The following MCTP1 variants were observed in gnomAD, a reference collection of about 807,000 sequenced individuals.
MCTP1 encodes multiple C2 and transmembrane domain containing 1.
MCTP1 carries 69 observed loss-of-function variants against 120.6 expected under a neutral mutation model. That is an observed-to-expected ratio of 0.57 (90% CI 0.47 to 0.70). The LOEUF is 0.70. Among genes scored for constraint, MCTP1 ranks in the 30% least tolerant of loss-of-function variants. The pLI, the probability that MCTP1 is intolerant of heterozygous loss-of-function variation, is 0.00. For synonymous variants in MCTP1, 529 were observed against 493.1 expected, an observed-to-expected ratio of 1.07 and a Z score of -0.96; for missense variants, 1,203 against 1,248.8, an observed-to-expected ratio of 0.96 and a Z score of 0.55.
chr5:95,115,153 G>C (rs1314530899), intron 1 of MCTP1, among the ~76,000 whole-genome samples: 1 of 152,004 alleles, frequency 6.6e-6, no homozygotes, highest in South Asian at 2.1e-4. Flanking sequence ...CTCCCAAGAA[G>C]CATGAGTATA....
intron 1 of MCTP1, among the ~76,000 whole-genome samples, chr5:95,278,595 C>T (rs1170654898): frequency 6.6e-6 from 1 of 152,130 alleles, no homozygotes; most frequent in Admixed American, 6.5e-5. Context: ...CTTACTGAGG[C>T]AGGGAAATAT....
chr5:94,842,136 G>A (rs973106113), intron 17 of MCTP1, among the ~76,000 whole-genome samples: 6 of 152,184 alleles, frequency 3.9e-5, no homozygotes, highest in African/African-American at 1.2e-4. Context: ...TGATTTAGTT[G>A]CTGCAGTGCT....
chr5:94,972,419 T>C (rs1827112978), intron 2 of MCTP1, among the ~76,000 whole-genome samples: 1 of 152,144 alleles, frequency 6.6e-6, no homozygotes, highest in South Asian at 2.1e-4. Flanking sequence ...GCGGAATGCC[T>C]GGTCCTCCCT....
intron 21 of MCTP1, 74 bp downstream of exon 21, chr5:94,710,744 G>A: frequency 1.1e-6 from 1 of 912,350 alleles, no homozygotes; most frequent in Non-Finnish European, 1.7e-6. Context: ...TGCTGACAGT[G>A]TAACTCATCT....
intron 2 of MCTP1, among the ~76,000 whole-genome samples, chr5:94,990,289 T>C (rs1320722778): frequency 6.6e-6 from 1 of 152,208 alleles, no homozygotes; most frequent in Non-Finnish European, 1.5e-5. Flanking sequence ...ATCCCACACA[T>C]TTGGTGTCAG....
intron 1 of MCTP1, among the ~76,000 whole-genome samples, chr5:95,266,920 C>G (rs1460431216): frequency 6.6e-6 from 1 of 152,212 alleles, no homozygotes; most frequent in East Asian, 1.9e-4. Flanking sequence ...ACTACAGTCT[C>G]CATGAAATAT....
In MCTP1 at chr5:94,929,348, G is replaced by A. The variant is rs577283564; in HGVS notation, c.1212+2605C>T. Among the ~76,000 whole-genome samples, 6 of 152,272 alleles carry A rather than the reference G, an allele frequency of 3.9e-5. No individual in the cohort carries two copies. The East Asian group carries it at 1.2e-3, about 29-fold the overall frequency. On this transcript the variant is annotated intron_variant, in intron 6 of 22. Coordinates refer to ENST00000515393, the MANE Select transcript of MCTP1 (RefSeq NM_024717.7). ...CATGCCAAAGCCCTGCCATGAAGATGCGGGAGACCTCATTCTGTAAATCAA... is the reference window on the plus strand; with the variant it reads ...CATGCCAAAGCCCTGCCATGAAGATACGGGAGACCTCATTCTGTAAATCAA...
At chr5:95,164,109 G>A (rs2152481483) in intron 1 of MCTP1, among the ~76,000 whole-genome samples, 1 of 152,146 alleles carries the variant, frequency 6.6e-6, no homozygotes, top group South Asian at 2.1e-4. Flanking sequence ...ACCAGCCCTG[G>A]TACCTACTGA....
At chr5:94,961,274 G>T (rs1165011313) in intron 2 of MCTP1, among the ~76,000 whole-genome samples, 1 of 151,778 alleles carries the variant, frequency 6.6e-6, no homozygotes, top group Non-Finnish European at 1.5e-5. Flanking sequence ...GGCTGTTGGG[G>T]GGTGGGGGAC....
At chr5:94,725,727 T>G (rs913421438) in intron 19 of MCTP1, among the ~76,000 whole-genome samples, 1 of 152,160 alleles carries the variant, frequency 6.6e-6, no homozygotes, top group African/African-American at 2.4e-5. Flanking sequence ...CTTCCATCAT[T>G]TTCTTAGCTA....
chr5:94,907,322 A>C (rs1807178125), intron 10 of MCTP1, among the ~76,000 whole-genome samples: 1 of 152,160 alleles, frequency 6.6e-6, no homozygotes, highest in South Asian at 2.1e-4. Context: ...TCTATTGTCC[A>C]TCTTTCAGTA....
chr5:95,166,729 G>A (rs1295315038), intron 1 of MCTP1, among the ~76,000 whole-genome samples: 1 of 151,730 alleles, frequency 6.6e-6, no homozygotes, highest in African/African-American at 2.4e-5. Context: ...CACCACGCCT[G>A]GCTAATTTTT....
chr5:95,251,021 A>G (rs1450472271), intron 1 of MCTP1, among the ~76,000 whole-genome samples: 2 of 152,180 alleles, frequency 1.3e-5, no homozygotes, highest in Admixed American at 6.5e-5. Context: ...GCAGAGATTT[A>G]GCAAAGAAAG....
At chr5:94,776,525 A>G (rs1242719571) in intron 19 of MCTP1, among the ~76,000 whole-genome samples, 1 of 152,180 alleles carries the variant, frequency 6.6e-6, no homozygotes, top group Non-Finnish European at 1.5e-5. Context: ...CCGGTGAAAC[A>G]TCTGGGACAT....
intron 5 of MCTP1, 44 bp downstream of exon 5, chr5:94,940,040 T>C: frequency 8.4e-7 from 1 of 1,196,928 alleles, no homozygotes; most frequent in South Asian, 1.4e-5. Flanking sequence ...GGCTCACAAC[T>C]TTCAAACAAG....
At chr5:94,820,654 T>TTTATTCCCATCTCAG (rs1159884572) in intron 17 of MCTP1, among the ~76,000 whole-genome samples, 1 of 152,204 alleles carries the variant, frequency 6.6e-6, no homozygotes, top group Non-Finnish European at 1.5e-5. Flanking sequence ...TAAAGCATGG[T>TTTATTCCCATCTCAG]CTGTCCCTAA....
At chr5:94,893,159 G>A (rs896811910) in intron 11 of MCTP1, among the ~76,000 whole-genome samples, 7 of 152,098 alleles carry the variant, frequency 4.6e-5, no homozygotes, top group African/African-American at 1.7e-4. Flanking sequence ...TTCAAATTCT[G>A]AATGGAAATG....
At chr5:95,135,486 G>A (rs1183809385) in intron 1 of MCTP1, among the ~76,000 whole-genome samples, 1 of 152,204 alleles carries the variant, frequency 6.6e-6, no homozygotes, top group African/African-American at 2.4e-5. Context: ...AGGTGTATCT[G>A]TGAGGGTGCT....
intron 17 of MCTP1, among the ~76,000 whole-genome samples, chr5:94,833,010 T>A (rs1788914218): frequency 6.6e-6 from 1 of 152,186 alleles, no homozygotes; most frequent in Non-Finnish European, 1.5e-5. Flanking sequence ...TCTTCAAGCA[T>A]CTAAGAACAC....
Sources: gnomAD v4.1 joint callset for allele counts (sites outside exome capture counted in the v4.1 genomes callset) on GRCh38, gnomAD v4.1.1 for gene constraint, MANE v1.5 for transcripts, NCBI Gene and HGNC (gene_info 2026-07-23, HGNC 2026-07-21) for gene names.